Variants in NUDT21 observed in about 807,000 individuals in gnomAD.
The protein encoded by NUDT21 is cleavage and polyadenylation specificity factor subunit 5.
In NUDT21, 5 loss-of-function variants were observed where a neutral mutation model predicts 29.8. The observed-to-expected ratio is 0.17, with a 90% CI of 0.09 to 0.35. NUDT21 has a LOEUF of 0.35. Among genes scored for constraint, NUDT21 ranks in the 10% least tolerant of loss-of-function variants. NUDT21 has a pLI of 1.00. For synonymous variants in NUDT21, 113 were observed against 98.5 expected (o/e 1.15, Z -0.87); for missense variants, 76 against 276.0 (o/e 0.28, Z 5.13).
intron 3 of NUDT21, among the ~76,000 whole-genome samples, chr16:56,443,674 C>G (rs1962184426): frequency 6.6e-6 from 1 of 152,060 alleles, no homozygotes. Flanking sequence ...GATTAGTTCC[C>G]TGGAGAGAGG....
At chr16:56,444,563 G>C (rs1962195019) in intron 3 of NUDT21, among the ~76,000 whole-genome samples, 1 of 140,792 alleles carries the variant, frequency 7.1e-6, no homozygotes, top group Admixed American at 7.7e-5. Flanking sequence ...TCACGCCACT[G>C]CACTCCAGCC....
intron 4 of NUDT21, chr16:56,439,223 G>A (rs1962135523): frequency 1.3e-5 from 2 of 158,760 alleles, no homozygotes; most frequent in African/African-American, 4.8e-5. Flanking sequence ...CCAGGCTGGA[G>A]TGCAATGGCA....
At chr16:56,440,763 G>C (rs531400288) in intron 3 of NUDT21, among the ~76,000 whole-genome samples, 1 of 151,950 alleles carries the variant, frequency 6.6e-6, no homozygotes, top group Admixed American at 6.5e-5. Context: ...TTTTTGAGAC[G>C]GAGTTTTGCT....
At chr16:56,436,658 G>A (rs1381377992) in intron 4 of NUDT21, among the ~76,000 whole-genome samples, 1 of 152,180 alleles carries the variant, frequency 6.6e-6, no homozygotes, top group Non-Finnish European at 1.5e-5. Context: ...AACAAAATGA[G>A]TAGCATTTCC....
At chr16:56,448,742 G>A (rs1017043608) in intron 1 of NUDT21, among the ~76,000 whole-genome samples, 1 of 152,104 alleles carries the variant, frequency 6.6e-6, no homozygotes, top group Admixed American at 6.5e-5. Flanking sequence ...TTTAAAGATA[G>A]TTAAAAAATC....
Position 56,451,124 on chromosome 16 carries a change from G to C in NUDT21, c.79C>G (p.Gln27Glu). 1 of 1,613,772 alleles carries C rather than the reference G, an allele frequency of 6.2e-7. No homozygotes were observed. The highest frequency in any genetic ancestry group is 1.1e-5 in the South Asian group (1 of 91,036). The change falls in exon 1 of 7, where the codon CAG becomes GAG. Residue 27 changes from glutamine to glutamate, a missense_variant. Physicochemically the swap from Gln to Glu is conservative, Grantham distance 29. Coordinates refer to ENST00000300291, the MANE Select transcript of NUDT21 (RefSeq NM_007006.3). ...CGCTCCAGGGTGAGGGGCTTCGTCT[G>C]CTGGATGTACTTGTTGCCGAACTGA... ...VTQFGNKYIQ[Q>E]TKPLTLERTI...
chr16:56,447,530 G>A, intron 2 of NUDT21: 1 of 453,742 alleles, frequency 2.2e-6, no homozygotes, highest in Non-Finnish European at 4.0e-6. Flanking sequence ...CATTGATCTT[G>A]GACTCAACTA....
chr16:56,446,018 A>G (rs1962213867), intron 3 of NUDT21, among the ~76,000 whole-genome samples: 1 of 152,250 alleles, frequency 6.6e-6, no homozygotes, highest in South Asian at 2.1e-4. Flanking sequence ...TAACAGGGGC[A>G]GGCGGCAATT....
chr16:56,441,258 A>T (rs574734296), intron 3 of NUDT21, among the ~76,000 whole-genome samples: 7 of 151,198 alleles, frequency 4.6e-5, no homozygotes, highest in African/African-American at 1.7e-4. Flanking sequence ...TTTTTTTGAG[A>T]CAGAGTCTCG....
intron 4 of NUDT21, among the ~76,000 whole-genome samples, chr16:56,435,598 C>T (rs1333228871): frequency 2.7e-5 from 4 of 146,936 alleles, no homozygotes; most frequent in East Asian, 2.1e-4. Flanking sequence ...TGGTGGCGGG[C>T]GCCTGTAGTC....
At chr16:56,442,743 CTATTT>C (rs1165530351) in intron 3 of NUDT21, among the ~76,000 whole-genome samples, 1 of 152,120 alleles carries the variant, frequency 6.6e-6, no homozygotes, top group Non-Finnish European at 1.5e-5. Flanking sequence ...TTACTCTGTT[CTATTT>C]ATCTATAGTT....
intron 1 of NUDT21, among the ~76,000 whole-genome samples, chr16:56,450,182 A>G (rs141568878): frequency 6.6e-6 from 1 of 152,246 alleles, no homozygotes; most frequent in Non-Finnish European, 1.5e-5. Context: ...ACTTTCCTCC[A>G]TCCTGGCATA....
chr16:56,432,219 G>A lies in NUDT21; in HGVS notation c.*493C>T, dbSNP rs1962042223. 6.5e-6 allele frequency: 1 copy of A among 153,008 alleles called. No individual in the cohort carries two copies. The highest frequency in any genetic ancestry group is 2.4e-5 in the African/African-American group (1 of 41,418). 9.5% of individuals were successfully genotyped at this position (153,008 alleles called of 1,614,324 possible). ...GTTCTCTGCAACACAATTCATTTAG[G>A]AGTTGCACCTTGGACTCACTCAGAT... On this transcript the variant is annotated 3_prime_UTR_variant, in exon 7 of 7. Transcript: ENST00000300291.
chr16:56,451,308 C>CA lies in NUDT21; in HGVS notation c.-107dup. On this transcript the variant is annotated 5_prime_UTR_variant, in exon 1 of 7. An upstream start codon of the reference 5' UTR is lost. Transcript: ENST00000300291. The stretch of plus-strand genomic sequence containing the variant: ...AATCCCCTCAGCGGCTACTGCCCGC[C>CA]ATTAACAGGACAGCGCAAGAGGAGG... The CA allele has an allele frequency of 3.3e-6, 3 of 900,234 alleles. No individual in the cohort carries two copies. Among genetic ancestry groups the CA allele is most frequent in the Non-Finnish European group, 5.1e-6 (3 of 587,888 alleles). The allele number at this position is 900,234 out of a possible 1,614,324, so 55.8% of individuals were successfully genotyped here.
In NUDT21 at chr16:56,430,779, T is replaced by C. The variant is rs1256152469; in HGVS notation, c.*1933A>G. 1.3e-5 allele frequency: 2 copies of C among 152,358 alleles called. No homozygotes were observed. The highest frequency in any genetic ancestry group is 2.9e-5 in the Non-Finnish European group (2 of 68,028). 9.4% of individuals were successfully genotyped at this position (152,358 alleles called of 1,614,324 possible). A position where few individuals can be genotyped will look rare whatever the true frequency, so the allele number is the denominator to read the frequency against. Reference sequence around the variant, plus strand: ...ACTTTTACATTCAAAACCAGATCTCTTACATTTCAAGGTTAGTAACCCAGC... The same window carrying C: ...ACTTTTACATTCAAAACCAGATCTCCTACATTTCAAGGTTAGTAACCCAGC... On this transcript the variant is annotated 3_prime_UTR_variant, in exon 7 of 7. Transcript: ENST00000300291.
rs1198182380 is a variant in NUDT21 at position 56,429,180 on chromosome 16, A to G, written c.*3532T>C. The G allele has an allele frequency of 6.6e-6, 1 of 152,262 alleles. No homozygotes were observed. Among genetic ancestry groups the G allele is most frequent in the East Asian group, 1.9e-4 (1 of 5,204 alleles). 9.4% of individuals were successfully genotyped at this position (152,262 alleles called of 1,614,324 possible). ...TGAAATGACAATAAAATAAAAAAAGAACAGTGATCACTTTAACCAAACTTA... is the reference window on the plus strand; with the variant it reads ...TGAAATGACAATAAAATAAAAAAAGGACAGTGATCACTTTAACCAAACTTA... On this transcript the variant is annotated 3_prime_UTR_variant, in exon 7 of 7. Transcript: ENST00000300291.
intron 2 of NUDT21, 92 bp downstream of exon 2, chr16:56,447,697 T>C (rs1159182977): frequency 2.7e-6 from 3 of 1,123,632 alleles, no homozygotes; most frequent in Non-Finnish European, 4.0e-6. Flanking sequence ...TTTGTTGAAA[T>C]GAATGACCGA....
chr16:56,447,465 T>C (rs1567540501), intron 2 of NUDT21, among the ~76,000 whole-genome samples: 1 of 152,192 alleles, frequency 6.6e-6, no homozygotes, highest in Non-Finnish European at 1.5e-5. Context: ...GAAATGCTAA[T>C]CATACCAAGA....
At chr16:56,439,058 G>A (rs779497715) in intron 4 of NUDT21, 1 of 152,512 alleles carries the variant, frequency 6.6e-6, no homozygotes, top group African/African-American at 2.4e-5. Context: ...CCAAGATGAG[G>A]GTAGGAGAAT....
Sources: gnomAD v4.1 joint callset for allele counts (sites outside exome capture counted in the v4.1 genomes callset) on GRCh38, gnomAD v4.1.1 for gene constraint, MANE v1.5 for transcripts, NCBI Gene and HGNC (gene_info 2026-07-23, HGNC 2026-07-21) for gene names.